Variants in UGT8 observed in about 807,000 individuals in gnomAD.
UGT8 encodes UDP glycosyltransferase 8, also known as 2-hydroxyacylsphingosine 1-beta-galactosyltransferase.
UGT8 carries 12 observed loss-of-function variants against 40.5 expected under a neutral mutation model. The ratio of observed to expected loss-of-function variants is 0.30; its 90% CI spans 0.19 to 0.48. The LOEUF (loss-of-function observed/expected upper bound fraction) is 0.48. Ranked by LOEUF, UGT8 falls within the 20% of genes least tolerant of loss-of-function variation. The pLI is 0.99. For synonymous variants in UGT8, 224 were observed against 240.4 expected, an observed-to-expected ratio of 0.93 and a Z score of 0.63; for missense variants, 513 against 648.7, an observed-to-expected ratio of 0.79 and a Z score of 2.27.
rs761081352 is a variant in UGT8 at position 114,675,995 on chromosome 4, A to G, written c.1333A>G (p.Ile445Val). 1.9e-5 allele frequency: 31 copies of G among 1,614,138 alleles called. No homozygotes were observed. The highest frequency in any genetic ancestry group is 1.3e-4 in the South Asian group (12 of 91,086). The change falls in exon 6 of 6, where the codon ATC becomes GTC. Residue 445 changes from isoleucine (I) to valine (V), a missense_variant. Physicochemically the swap from Ile to Val is conservative, Grantham distance 29. Around this residue, in one of 3 missense-constraint regions of UGT8, gnomAD observed 175 missense variants for 186.7 expected, o/e 0.94. Coordinates refer to ENST00000310836, the MANE Select transcript of UGT8 (RefSeq NM_001128174.3). ...ACCTGGTCACCCTGTCAATCGAACT[A>G]TCTATTGGATAGATTATATTATTCG... ...DQPGHPVNRT[I>V]YWIDYIIRHN... is the part of the protein sequence containing the mutation.
At chr4:114,614,893 G>T (rs924966152) in intron 1 of UGT8, among the ~76,000 whole-genome samples, 3 of 148,612 alleles carry the variant, frequency 2.0e-5, no homozygotes, top group African/African-American at 7.5e-5. Context: ...ACAACAGGTG[G>T]CCTCAATTTT....
At chr4:114,664,228 T>C (rs1734722332) in intron 3 of UGT8, 91 bp downstream of exon 3, 1 of 1,410,722 alleles carries the variant, frequency 7.1e-7, no homozygotes. Context: ...AGCACATTGT[T>C]TCCCTGACAA....
chr4:114,611,456 A>ACG (rs1731067379), intron 1 of UGT8, among the ~76,000 whole-genome samples: 1 of 139,208 alleles, frequency 7.2e-6, no homozygotes, highest in East Asian at 2.0e-4. Context: ...ACACACACAC[A>ACG]CAGAGATATT....
At chr4:114,610,406 T>G (rs1393404353) in intron 1 of UGT8, among the ~76,000 whole-genome samples, 1 of 152,224 alleles carries the variant, frequency 6.6e-6, no homozygotes, top group Non-Finnish European at 1.5e-5. Flanking sequence ...TTAAATATAT[T>G]TATCTTATTT....
At chr4:114,657,635 C>T (rs1192666211) in intron 2 of UGT8, among the ~76,000 whole-genome samples, 1 of 151,532 alleles carries the variant, frequency 6.6e-6, no homozygotes, top group African/African-American at 2.4e-5. Flanking sequence ...CTGAAAAGTC[C>T]AAAACATAGT....
chr4:114,669,902 C>A (rs1578471852), intron 5 of UGT8, among the ~76,000 whole-genome samples: 1 of 152,238 alleles, frequency 6.6e-6, no homozygotes, highest in East Asian at 1.9e-4. Context: ...TGCTAAAAGT[C>A]ATTATATAAA....
intron 1 of UGT8, among the ~76,000 whole-genome samples, chr4:114,616,277 A>T (rs1312372991): frequency 6.6e-6 from 1 of 152,004 alleles, no homozygotes; most frequent in Non-Finnish European, 1.5e-5. Context: ...CGCCTTGTTT[A>T]CCTACTCAAG....
chr4:114,612,745 T>A (rs1431400937), intron 1 of UGT8, among the ~76,000 whole-genome samples: 1 of 152,188 alleles, frequency 6.6e-6, no homozygotes, highest in African/African-American at 2.4e-5. Flanking sequence ...AGTCCCATAT[T>A]ACTAGAGAGC....
intron 2 of UGT8, among the ~76,000 whole-genome samples, chr4:114,626,347 G>A (rs914347877): frequency 6.6e-6 from 1 of 152,144 alleles, no homozygotes; most frequent in Non-Finnish European, 1.5e-5. Flanking sequence ...AAGTAGCTGC[G>A]TAGAACACAT....
chr4:114,633,787 T>C (rs894749064), intron 2 of UGT8, among the ~76,000 whole-genome samples: 2 of 152,008 alleles, frequency 1.3e-5, no homozygotes, highest in African/African-American at 4.8e-5. Flanking sequence ...CTACTAAAAA[T>C]ACAAAAATTA....
chr4:114,655,349 G>A (rs1209829106), intron 2 of UGT8, among the ~76,000 whole-genome samples: 1 of 151,844 alleles, frequency 6.6e-6, no homozygotes, highest in Non-Finnish European at 1.5e-5. Context: ...TTGGAGTAAG[G>A]GGAAGCTTTT....
At chr4:114,601,557 G>C (rs1730441148) in intron 1 of UGT8, among the ~76,000 whole-genome samples, 1 of 151,630 alleles carries the variant, frequency 6.6e-6, no homozygotes, top group African/African-American at 2.4e-5. Context: ...TTTCTCGGTA[G>C]CTGACTCTTC....
Position 114,622,878 on chromosome 4 carries a change from GC to G in UGT8, c.-2del. ...AAGTTGTTTTCTGGTTGTTATTACA[GC>G]TATGAAGTCTTACACTCCATATTTC... On this transcript the variant is annotated splice_region_variant and 5_prime_UTR_variant, in exon 2 of 6. Coordinates refer to ENST00000310836, the MANE Select transcript of UGT8 (RefSeq NM_001128174.3). 1 of 1,601,564 alleles carries G rather than the reference GC, an allele frequency of 6.2e-7. No individual in the cohort carries two copies. The highest frequency in any genetic ancestry group is 8.5e-7 in the Non-Finnish European group (1 of 1,171,862).
chr4:114,611,314 G>A (rs1032475457), intron 1 of UGT8, among the ~76,000 whole-genome samples: 2 of 150,366 alleles, frequency 1.3e-5, no homozygotes, highest in Non-Finnish European at 3.0e-5. Context: ...CTGCAGATGC[G>A]TGGAGATAAC....
chr4:114,615,174 C>CA (rs1731330268), intron 1 of UGT8, among the ~76,000 whole-genome samples: 1 of 151,422 alleles, frequency 6.6e-6, no homozygotes, highest in Admixed American at 6.6e-5. Context: ...GATATGAGTA[C>CA]ATTAATTTAC....
chr4:114,626,785 C>G (rs1201673817), intron 2 of UGT8, among the ~76,000 whole-genome samples: 1 of 152,128 alleles, frequency 6.6e-6, no homozygotes, highest in Non-Finnish European at 1.5e-5. Context: ...TACTTACTTA[C>G]AATTGTGTAT....
chr4:114,660,908 A>C (rs1734489064), intron 2 of UGT8, among the ~76,000 whole-genome samples: 1 of 151,822 alleles, frequency 6.6e-6, no homozygotes, highest in African/African-American at 2.4e-5. Flanking sequence ...AAAAAAAAAA[A>C]AATTATAATT....
intron 2 of UGT8, among the ~76,000 whole-genome samples, chr4:114,660,404 A>C (rs1225119018): frequency 1.3e-5 from 2 of 152,156 alleles, no homozygotes; most frequent in Non-Finnish European, 2.9e-5. Flanking sequence ...ATGTGAAACA[A>C]AGGTTCTTTT....
intron 5 of UGT8, among the ~76,000 whole-genome samples, chr4:114,672,011 A>G (rs2126138989): frequency 6.6e-6 from 1 of 152,334 alleles, no homozygotes; most frequent in South Asian, 2.1e-4. Context: ...TGGGCAAAGG[A>G]TATGAACAGA....
Sources: allele counts gnomAD v4.1 joint callset (sites outside exome capture counted in the v4.1 genomes callset), GRCh38; gene constraint gnomAD v4.1.1; regional missense constraint gnomAD v4.1.1; transcripts MANE v1.5; gene names NCBI Gene and HGNC (gene_info 2026-07-23, HGNC 2026-07-21).